The following EPS15 variants were observed in gnomAD, a reference collection of about 807,000 sequenced individuals.
EPS15 encodes the protein epidermal growth factor receptor substrate 15.
A neutral mutation model predicts 113.8 loss-of-function variants in EPS15; 72 were observed. The ratio of observed to expected loss-of-function variants is 0.63; its 90% CI spans 0.52 to 0.77. The LOEUF (loss-of-function observed/expected upper bound fraction) is 0.77, where lower values mean the gene tolerates loss of function less well. Ranked by LOEUF, EPS15 falls within the 30% of genes least tolerant of loss-of-function variation. The pLI is 0.00. For synonymous variants in EPS15, 344 were observed against 363.4 expected (o/e 0.95, Z 0.61); for missense variants, 1,048 against 1,045.8 (o/e 1.00, Z -0.03).
At chr1:51,446,579 G>T (rs191540725) in intron 10 of EPS15, among the ~76,000 whole-genome samples, 1 of 150,254 alleles carries the variant, frequency 6.7e-6, no homozygotes, top group Non-Finnish European at 1.5e-5. Context: ...TCACCCTCCC[G>T]AGTAGCTGGA....
At chr1:51,506,161 A>G (rs1644495999) in intron 1 of EPS15, among the ~76,000 whole-genome samples, 1 of 152,230 alleles carries the variant, frequency 6.6e-6, no homozygotes, top group Non-Finnish European at 1.5e-5. Context: ...TGCTGGGATT[A>G]CAGGCGTCAG....
chr1:51,512,721 T>C (rs1447280126), intron 1 of EPS15, among the ~76,000 whole-genome samples: 2 of 152,050 alleles, frequency 1.3e-5, no homozygotes, highest in Non-Finnish European at 2.9e-5. Context: ...AACAATGAAA[T>C]TGTTTGAAAT....
chr1:51,405,464 A>C (rs1649016658), intron 16 of EPS15, among the ~76,000 whole-genome samples: 1 of 152,202 alleles, frequency 6.6e-6, no homozygotes, highest in South Asian at 2.1e-4. Context: ...TGGGAGGCCG[A>C]GGCAGATGGG....
intron 1 of EPS15, among the ~76,000 whole-genome samples, chr1:51,487,379 A>C (rs1479842268): frequency 6.6e-6 from 1 of 152,220 alleles, no homozygotes; most frequent in Non-Finnish European, 1.5e-5. Context: ...ACAGACTTTA[A>C]ATGGAGCTAT....
At chr1:51,409,792 T>C (rs1649528208) in intron 13 of EPS15, 96 bp from the exon 14 acceptor site, 2 of 776,740 alleles carry the variant, frequency 2.6e-6, no homozygotes, top group Admixed American at 2.6e-5. Flanking sequence ...AATAAAGTCT[T>C]ACTGAGTATA....
In EPS15 at chr1:51,389,942, C is replaced by A. The variant is rs1429181405; in HGVS notation, c.2119+4439G>T. On this transcript the variant is annotated intron_variant, in intron 21 of 24. Coordinates refer to ENST00000371733, the MANE Select transcript of EPS15 (RefSeq NM_001981.3). The stretch of plus-strand genomic sequence containing the variant: ...TCCCCATCAAGCTACCAATGACTTT[C>A]TTCACAGAATTGGAAAAAACTACTT... 1.8e-4 allele frequency among the ~76,000 whole-genome samples: 27 copies of A among 152,330 alleles called. No homozygotes were observed. The South Asian group carries it at 5.2e-3, about 29-fold the overall frequency.
At chr1:51,479,090 A>C (rs905054195) in intron 2 of EPS15, among the ~76,000 whole-genome samples, 1 of 152,196 alleles carries the variant, frequency 6.6e-6, no homozygotes, top group Non-Finnish European at 1.5e-5. Context: ...ACTTTCAGGT[A>C]CACCAATCAG....
Position 51,445,000 on chromosome 1 carries a change from C to T in EPS15, c.843G>A (p.Gln281=), listed in dbSNP as rs748204167. 6.2e-7 allele frequency: 1 copy of T among 1,613,852 alleles called. No homozygotes were observed. The highest frequency in any genetic ancestry group is 8.5e-7 in the Non-Finnish European group (1 of 1,179,908). Residue 281 remains glutamine (Q), a synonymous_variant, in exon 11 of 25, where the codon CAG becomes CAA. Transcript: ENST00000371733. ...TGATTAAGTGAAAAGCCAAGGCAAA[C>T]TGATCCTTTGAAAGCTTCCCACAGT... The part of the protein sequence containing the change: ...TKDCGKLSKD[Q]FALAFHLISQ...
intron 20 of EPS15, among the ~76,000 whole-genome samples, chr1:51,398,098 G>T (rs892699921): frequency 6.7e-6 from 1 of 149,742 alleles, no homozygotes; most frequent in Non-Finnish European, 1.5e-5. Context: ...CTGTCACCCA[G>T]GCTGGAGTGC....
chr1:51,493,768 C>A (rs1189685544), intron 1 of EPS15, among the ~76,000 whole-genome samples: 1 of 151,068 alleles, frequency 6.6e-6, no homozygotes, highest in African/African-American at 2.4e-5. Flanking sequence ...ACAGGCGTCA[C>A]GCCTGGCTAA....
At chr1:51,382,092 TG>T (rs1305451070) in intron 21 of EPS15, among the ~76,000 whole-genome samples, 1 of 151,774 alleles carries the variant, frequency 6.6e-6, no homozygotes, top group Non-Finnish European at 1.5e-5. Context: ...AAATCAGAAA[TG>T]AAAGAGGAGA....
At chr1:51,386,031 A>T (rs565254488) in intron 21 of EPS15, among the ~76,000 whole-genome samples, 54 of 152,346 alleles carry the variant, frequency 3.5e-4, no homozygotes, top group African/African-American at 1.2e-3. Context: ...TAAAATGCCA[A>T]ACTTTATGTT....
chr1:51,454,612 T>C (rs1036067592), intron 8 of EPS15, among the ~76,000 whole-genome samples: 6 of 152,308 alleles, frequency 3.9e-5, no homozygotes, highest in South Asian at 2.1e-4. Flanking sequence ...CTGTGGGATA[T>C]CTAGCCAGTA....
chr1:51,511,033 G>A (rs1256195687), intron 1 of EPS15, among the ~76,000 whole-genome samples: 4 of 151,932 alleles, frequency 2.6e-5, no homozygotes, highest in Non-Finnish European at 5.9e-5. Context: ...AGGTGTGGCG[G>A]TGGGCGCCTA....
intron 8 of EPS15, among the ~76,000 whole-genome samples, chr1:51,456,894 A>C (rs1173378680): frequency 6.6e-6 from 1 of 152,204 alleles, no homozygotes; most frequent in Non-Finnish European, 1.5e-5. Flanking sequence ...ATATTGAACA[A>C]AACTGGAAGA....
At chr1:51,502,098 TC>T (rs2148552316) in intron 1 of EPS15, among the ~76,000 whole-genome samples, 1 of 152,270 alleles carries the variant, frequency 6.6e-6, no homozygotes, top group Admixed American at 6.5e-5. Context: ...TGAGACTCCA[TC>T]TTTACAAAAA....
chr1:51,383,863 A>C (rs145991460), intron 21 of EPS15, among the ~76,000 whole-genome samples: 1 of 152,360 alleles, frequency 6.6e-6, no homozygotes, highest in East Asian at 1.9e-4. Flanking sequence ...CCAAAAAACA[A>C]TTAGAACTAA....
intron 20 of EPS15, among the ~76,000 whole-genome samples, chr1:51,394,845 T>A (rs181354515): frequency 6.6e-6 from 1 of 152,268 alleles, no homozygotes; most frequent in Admixed American, 6.5e-5. Context: ...TGTATAGATG[T>A]ACACTGTTTT....
At chr1:51,390,599 G>T (rs1647260883) in intron 21 of EPS15, among the ~76,000 whole-genome samples, 1 of 150,918 alleles carries the variant, frequency 6.6e-6, no homozygotes, top group Non-Finnish European at 1.5e-5. Context: ...AATCTACAAT[G>T]AACTCAAACA....
Sources: gnomAD v4.1 joint callset for allele counts (sites outside exome capture counted in the v4.1 genomes callset) on GRCh38, gnomAD v4.1.1 for gene constraint, MANE v1.5 for transcripts, NCBI Gene and HGNC (gene_info 2026-07-23, HGNC 2026-07-21) for gene names.